Variants in BMP6 observed in about 807,000 individuals in gnomAD.
BMP6 encodes the protein bone morphogenetic protein 6.
BMP6 carries 17 observed loss-of-function variants against 54.1 expected under a neutral mutation model. That is an observed-to-expected ratio of 0.31 (90% CI 0.22 to 0.47). The LOEUF is 0.47. Among genes scored for constraint, BMP6 ranks in the 20% least tolerant of loss-of-function variants. BMP6 has a pLI of 1.00. For missense variants in BMP6, 720 were observed against 690.4 expected (o/e 1.04, Z -0.48); for synonymous variants, 328 against 291.2 (o/e 1.13, Z -1.28).
intron 1 of BMP6, among the ~76,000 whole-genome samples, chr6:7,794,352 T>C (rs1374989963): frequency 1.3e-5 from 2 of 152,134 alleles, no homozygotes; most frequent in African/African-American, 4.8e-5. Flanking sequence ...ACAACAAGAA[T>C]GTACACTTTG....
At chr6:7,815,515 C>CTACTGT (rs1302521714) in intron 1 of BMP6, among the ~76,000 whole-genome samples, 3 of 152,098 alleles carry the variant, frequency 2.0e-5, no homozygotes, top group African/African-American at 7.2e-5. Context: ...TAAATAGTAC[C>CTACTGT]TACTGTTACT....
At chr6:7,831,559 A>G (rs1244504935) in intron 1 of BMP6, among the ~76,000 whole-genome samples, 1 of 152,208 alleles carries the variant, frequency 6.6e-6, no homozygotes, top group Non-Finnish European at 1.5e-5. Flanking sequence ...TGACTTTCCT[A>G]TGCATGGTGA....
At chr6:7,858,948 G>A (rs936277987) in intron 2 of BMP6, among the ~76,000 whole-genome samples, 6 of 151,870 alleles carry the variant, frequency 4.0e-5, no homozygotes, top group African/African-American at 1.5e-4. Context: ...CTCATTGTAC[G>A]ATTACAAAAG....
At chr6:7,844,582 C>G (rs568784308) in intron 1 of BMP6, among the ~76,000 whole-genome samples, 5 of 152,250 alleles carry the variant, frequency 3.3e-5, no homozygotes, top group African/African-American at 1.2e-4. Flanking sequence ...ACACTTCAGG[C>G]CCAGGCAAAA....
At chr6:7,824,630 C>CCCAAAAGGGTAATCTGATAATT (rs1259337886) in intron 1 of BMP6, among the ~76,000 whole-genome samples, 13 of 152,270 alleles carry the variant, frequency 8.5e-5, no homozygotes, top group African/African-American at 1.9e-4. Flanking sequence ...ATCTGATAAT[C>CCCAAAAGGGTAATCTGATAATT]CCAAAAGGGT....
intron 1 of BMP6, among the ~76,000 whole-genome samples, chr6:7,767,197 A>G (rs1757706939): frequency 6.6e-6 from 1 of 151,848 alleles, no homozygotes; most frequent in Non-Finnish European, 1.5e-5. Flanking sequence ...CGCGGTCTCG[A>G]TCTCCTGACC....
At chr6:7,848,724 A>G (rs1759102411) in intron 2 of BMP6, among the ~76,000 whole-genome samples, 1 of 152,248 alleles carries the variant, frequency 6.6e-6, no homozygotes, top group Non-Finnish European at 1.5e-5. Context: ...AGTCTGCATC[A>G]TTAAGCTTGA....
chr6:7,818,253 A>G (rs1385796257), intron 1 of BMP6, among the ~76,000 whole-genome samples: 1 of 152,200 alleles, frequency 6.6e-6, no homozygotes, highest in African/African-American at 2.4e-5. Flanking sequence ...TTTTAATGTC[A>G]AGATGAGCGT....
chr6:7,878,888 G>A (rs556992460), intron 4 of BMP6, among the ~76,000 whole-genome samples, 186 bp from the exon 5 acceptor site: 4 of 152,234 alleles, frequency 2.6e-5, no homozygotes, highest in South Asian at 2.1e-4. Flanking sequence ...TAGACAAAAC[G>A]GATTCCGTAA....
At chr6:7,780,703 T>TTTA (rs1224457413) in intron 1 of BMP6, among the ~76,000 whole-genome samples, 1 of 106,356 alleles carries the variant, frequency 9.4e-6, no homozygotes, top group Non-Finnish European at 2.2e-5. Context: ...CTATTTTTAT[T>TTTA]TTATTGTTAT....
rs1228945877 is a variant in BMP6, at chr6:7,726,192, A to G, written c.-764A>G. Among the ~76,000 whole-genome samples, 1 of 152,086 alleles carries G rather than the reference A, an allele frequency of 6.6e-6. No homozygotes were observed. Among genetic ancestry groups the G allele is most frequent in the Admixed American group, 6.5e-5 (1 of 15,280 alleles). On this transcript the variant is annotated 5_prime_UTR_variant, in exon 1 of 7. Transcript: ENST00000283147. ...CGCCGCGGCCGCTGCTCGGTGCACTAGCCCCCTTCCTTCCCATCCTTTCTG... is the reference window on the plus strand; with the variant it reads ...CGCCGCGGCCGCTGCTCGGTGCACTGGCCCCCTTCCTTCCCATCCTTTCTG...
intron 1 of BMP6, among the ~76,000 whole-genome samples, chr6:7,811,774 G>A (rs577268401): frequency 4.6e-5 from 7 of 152,040 alleles, no homozygotes; most frequent in African/African-American, 9.6e-5. Context: ...ATTTCCCTTC[G>A]TTAAACTTCC....
chr6:7,814,438 G>A (rs1420009024), intron 1 of BMP6, among the ~76,000 whole-genome samples: 2 of 152,108 alleles, frequency 1.3e-5, no homozygotes, highest in South Asian at 4.2e-4. Context: ...TCCACTCCCC[G>A]ATTTCTGTCT....
intron 1 of BMP6, among the ~76,000 whole-genome samples, chr6:7,755,498 A>G (rs1581234045): frequency 6.6e-6 from 1 of 152,106 alleles, no homozygotes; most frequent in East Asian, 1.9e-4. Context: ...TTGTTTTCAT[A>G]TATTTTATTT....
Position 7,828,054 on chromosome 6 carries a change from T to C in BMP6, c.665-17086T>C, listed in dbSNP as rs536254647. 5.3e-5 allele frequency among the ~76,000 whole-genome samples: 8 copies of C among 152,348 alleles called. No individual in the cohort carries two copies. In the East Asian group the frequency reaches 1.5e-3, roughly 29 times the overall value. ...CTTTTTTAAGTTTCTTACAGGTGTT[T>C]TCTGTTTTTGTTTTGTTTTGTTTCT... On this transcript the variant is annotated intron_variant, in intron 1 of 6. Coordinates refer to ENST00000283147, the MANE Select transcript of BMP6 (RefSeq NM_001718.6).
At chr6:7,808,605 C>G (rs192190976) in intron 1 of BMP6, among the ~76,000 whole-genome samples, 2 of 152,234 alleles carry the variant, frequency 1.3e-5, no homozygotes, top group Admixed American at 1.3e-4. Context: ...AAACTTTTGT[C>G]TGATTTTATT....
At chr6:7,855,868 C>T (rs1044933144) in intron 2 of BMP6, among the ~76,000 whole-genome samples, 1 of 151,854 alleles carries the variant, frequency 6.6e-6, no homozygotes, top group Non-Finnish European at 1.5e-5. Context: ...CATCTATAAA[C>T]CTGTAACAGC....
At chr6:7,736,339 A>G (rs879596584) in intron 1 of BMP6, among the ~76,000 whole-genome samples, 2 of 152,112 alleles carry the variant, frequency 1.3e-5, no homozygotes, top group Non-Finnish European at 2.9e-5. Flanking sequence ...GAATTATAGG[A>G]ATTTTGTGCT....
intron 1 of BMP6, among the ~76,000 whole-genome samples, chr6:7,751,929 T>A (rs989395207): frequency 3.0e-4 from 45 of 152,248 alleles, no homozygotes; most frequent in Admixed American, 1.2e-3. Flanking sequence ...TACATCTCCT[T>A]CAGCACAATT....
Sources: allele counts gnomAD v4.1 joint callset (sites outside exome capture counted in the v4.1 genomes callset), GRCh38; gene constraint gnomAD v4.1.1; transcripts MANE v1.5; gene names NCBI Gene and HGNC (gene_info 2026-07-23, HGNC 2026-07-21).